The following ADAMTSL1 variants were observed in gnomAD, a reference collection of about 807,000 sequenced individuals.
ADAMTSL1 encodes the protein ADAMTS-like protein 1.
Under a neutral mutation model 201.8 loss-of-function variants are expected in ADAMTSL1, and 126 were observed. That is an observed-to-expected ratio of 0.62 (90% CI 0.54 to 0.72). ADAMTSL1 has a LOEUF of 0.72. Ranked by LOEUF, ADAMTSL1 falls within the 30% of genes least tolerant of loss-of-function variation. The pLI is 0.00. For synonymous variants in ADAMTSL1, 1,121 were observed against 903.4 expected (o/e 1.24, Z -4.32); for missense variants, 2,679 against 2,277.8 (o/e 1.18, Z -3.59).
At chr9:18,257,977 T>A (rs1831755587) in intron 2 of ADAMTSL1, among the ~76,000 whole-genome samples, 1 of 151,900 alleles carries the variant, frequency 6.6e-6, no homozygotes, top group Non-Finnish European at 1.5e-5. Flanking sequence ...GAAAAAGGAG[T>A]TATTGTTTCC....
At chr9:18,651,552 C>A (rs1046744221) in intron 7 of ADAMTSL1, 1 of 152,212 alleles carries the variant, frequency 6.6e-6, no homozygotes, top group African/African-American at 2.4e-5. Context: ...AGAGCACTAA[C>A]TCATAATTCA....
chr9:18,876,630 CAGGT>C (rs1320437717), intron 23 of ADAMTSL1, among the ~76,000 whole-genome samples: 3 of 152,180 alleles, frequency 2.0e-5, no homozygotes, highest in Non-Finnish European at 4.4e-5. Flanking sequence ...TGCTGTTAAT[CAGGT>C]AGGTTTTCCT....
chr9:18,531,244 T>C (rs938963121), intron 2 of ADAMTSL1, among the ~76,000 whole-genome samples: 1 of 152,176 alleles, frequency 6.6e-6, no homozygotes, highest in Admixed American at 6.5e-5. Flanking sequence ...TCAGCAGTCA[T>C]GAAAATCCAG....
intron 3 of ADAMTSL1, among the ~76,000 whole-genome samples, chr9:18,567,268 C>G (rs1821967791): frequency 6.6e-6 from 1 of 151,998 alleles, no homozygotes; most frequent in Admixed American, 6.6e-5. Flanking sequence ...AGTTCAAGAC[C>G]AGTCTGGCCA....
chr9:18,791,471 G>A (rs545090722), intron 19 of ADAMTSL1, among the ~76,000 whole-genome samples: 2 of 152,238 alleles, frequency 1.3e-5, no homozygotes, highest in South Asian at 4.2e-4. Context: ...CAAGAAGAAA[G>A]CACGACTAAA....
chr9:18,375,838 C>G (rs1837268334), intron 2 of ADAMTSL1, among the ~76,000 whole-genome samples: 1 of 152,130 alleles, frequency 6.6e-6, no homozygotes, highest in African/African-American at 2.4e-5. Context: ...TTACAGAGTG[C>G]TGATTGGTCC....
intron 3 of ADAMTSL1, among the ~76,000 whole-genome samples, chr9:18,573,775 T>C (rs1822503161): frequency 6.6e-6 from 1 of 152,190 alleles, no homozygotes; most frequent in Non-Finnish European, 1.5e-5. Context: ...AATCAGAATA[T>C]CTATTTCAAG....
At chr9:18,186,189 G>C (rs913723759) in intron 2 of ADAMTSL1, among the ~76,000 whole-genome samples, 1 of 152,160 alleles carries the variant, frequency 6.6e-6, no homozygotes, top group Non-Finnish European at 1.5e-5. Context: ...GATGGTTGTG[G>C]ACCATAGGCT....
intron 1 of ADAMTSL1, among the ~76,000 whole-genome samples, chr9:18,139,261 AG>A (rs1392445552): frequency 1.3e-5 from 2 of 152,164 alleles, no homozygotes; most frequent in South Asian, 2.1e-4. Flanking sequence ...AGTCAGTGTT[AG>A]ATTTCCTCCT....
In ADAMTSL1 at chr9:18,607,361, A is replaced by G. The variant is rs895995516; in HGVS notation, c.475-14882A>G. On this transcript the variant is annotated intron_variant, in intron 4 of 28. Coordinates refer to ENST00000380548, the MANE Select transcript of ADAMTSL1 (RefSeq NM_001040272.6). Reference sequence around the variant, plus strand: ...TGAAAACCATAAAATTCGTGGTCAAATATGTTTTTCTATCGAATATGGCAT... The same window carrying G: ...TGAAAACCATAAAATTCGTGGTCAAGTATGTTTTTCTATCGAATATGGCAT... 3.9e-5 allele frequency among the ~76,000 whole-genome samples: 6 copies of G among 152,194 alleles called. No homozygotes were observed. In the East Asian group the frequency reaches 5.8e-4, roughly 15 times the overall value.
At chr9:18,435,223 T>C (rs980242258) in intron 2 of ADAMTSL1, among the ~76,000 whole-genome samples, 6 of 152,206 alleles carry the variant, frequency 3.9e-5, no homozygotes, top group African/African-American at 4.8e-5. Flanking sequence ...TTAGATACTT[T>C]AGGAAATAAA....
chr9:18,715,221 T>C (rs1183728725), intron 14 of ADAMTSL1, among the ~76,000 whole-genome samples: 30 of 149,784 alleles, frequency 2.0e-4, no homozygotes, highest in Admixed American at 1.8e-3. Context: ...CAACATAGTG[T>C]TGGAAGTTCT....
chr9:18,159,166 A>G (rs1171476294), intron 1 of ADAMTSL1, among the ~76,000 whole-genome samples: 1 of 152,078 alleles, frequency 6.6e-6, no homozygotes, highest in East Asian at 1.9e-4. Flanking sequence ...CTGAGAATGT[A>G]TAGCTTTACT....
intron 15 of ADAMTSL1, among the ~76,000 whole-genome samples, chr9:18,749,022 A>G (rs921665922): frequency 6.6e-6 from 1 of 152,280 alleles, no homozygotes; most frequent in Middle Eastern, 3.4e-3. Flanking sequence ...CTGTCGTCGC[A>G]TGGCATTTTG....
intron 2 of ADAMTSL1, among the ~76,000 whole-genome samples, chr9:18,427,835 A>C (rs1447714204): frequency 6.6e-6 from 1 of 152,254 alleles, no homozygotes; most frequent in Non-Finnish European, 1.5e-5. Flanking sequence ...ATTCAAAATG[A>C]ACGTAGAGAT....
At chr9:17,915,041 G>A (rs1826041426) in intron 1 of ADAMTSL1, among the ~76,000 whole-genome samples, 1 of 151,420 alleles carries the variant, frequency 6.6e-6, no homozygotes, top group African/African-American at 2.4e-5. Context: ...TATTTGTTTT[G>A]CATTGTATTG....
chr9:18,698,846 TC>T (rs1831738413), intron 13 of ADAMTSL1, among the ~76,000 whole-genome samples: 1 of 152,178 alleles, frequency 6.6e-6, no homozygotes, highest in African/African-American at 2.4e-5. Flanking sequence ...ATACCAATCT[TC>T]CCCCTGGCCT....
At chr9:18,125,233 G>GA (rs1358425613) in intron 1 of ADAMTSL1, among the ~76,000 whole-genome samples, 2 of 152,134 alleles carry the variant, frequency 1.3e-5, no homozygotes, top group Non-Finnish European at 2.9e-5. Flanking sequence ...CAGGGAAAGA[G>GA]AGAGCCTGAG....
chr9:18,856,106 T>A (rs1267742725), intron 23 of ADAMTSL1, among the ~76,000 whole-genome samples: 1 of 152,128 alleles, frequency 6.6e-6, no homozygotes, highest in African/African-American at 2.4e-5. Context: ...GTAAAACAAA[T>A]ACCAGGGAGA....
Sources: allele counts gnomAD v4.1 joint callset (sites outside exome capture counted in the v4.1 genomes callset), GRCh38; gene constraint gnomAD v4.1.1; transcripts MANE v1.5; gene names NCBI Gene and HGNC (gene_info 2026-07-23, HGNC 2026-07-21).